Variants in RSPH9 observed in about 807,000 individuals in gnomAD.
RSPH9 encodes radial spoke head protein 9 homolog.
A neutral mutation model predicts 27.0 loss-of-function variants in RSPH9; 27 were observed. That is an observed-to-expected ratio of 1.00 (90% CI 0.74 to 1.38). The LOEUF (loss-of-function observed/expected upper bound fraction) is 1.38, where lower values mean the gene tolerates loss of function less well. RSPH9 is among the 40% of genes most tolerant of loss of function. RSPH9 has a pLI of 0.00. For synonymous variants in RSPH9, 145 were observed against 147.7 expected, an observed-to-expected ratio of 0.98 and a Z score of 0.13; for missense variants, 347 against 357.4, an observed-to-expected ratio of 0.97 and a Z score of 0.24.
intron 4 of RSPH9, among the ~76,000 whole-genome samples, chr6:43,667,503 G>A (rs956709524): frequency 4.6e-5 from 7 of 152,216 alleles, no homozygotes; most frequent in African/African-American, 1.7e-4. Flanking sequence ...CGAGTGAGGC[G>A]GGCATGGGCG....
intron 2 of RSPH9, among the ~76,000 whole-genome samples, chr6:43,654,344 G>A (rs574219909): frequency 6.6e-6 from 1 of 152,312 alleles, no homozygotes; most frequent in East Asian, 1.9e-4. Context: ...ATGTTAAACT[G>A]AAGAGAAGGA....
chr6:43,656,627 G>T lies in RSPH9; in HGVS notation c.574G>T (p.Glu192Ter), dbSNP rs1207317544. The T allele has an allele frequency of 6.2e-7, 1 of 1,614,140 alleles. No individual in the cohort carries two copies. Among genetic ancestry groups the T allele is most frequent in the East Asian group, 2.2e-5 (1 of 44,886 alleles). The change falls in exon 4 of 5, where the codon GAG becomes TAG. Residue 192 changes from glutamate to a stop codon, truncating the protein, a stop_gained. Coordinates refer to ENST00000372163, the MANE Select transcript of RSPH9 (RefSeq NM_152732.5). LOFTEE classifies it high-confidence loss of function. ...GCTCAGCTCCTACTTCCATTTCAGG[G>T]AGCCTGTTGAGCTAAAGAATAAGAC... The part of the protein sequence containing the change: ...KKLSSYFHFR[E>*]PVELKNKTLL...
At chr6:43,654,262 C>T (rs1430782172) in intron 2 of RSPH9, among the ~76,000 whole-genome samples, 1 of 152,046 alleles carries the variant, frequency 6.6e-6, no homozygotes, top group Non-Finnish European at 1.5e-5. Context: ...TTCAGAGTTG[C>T]CCTAGATAGT....
rs1653281423 is a variant in RSPH9 at position 43,645,192 on chromosome 6, C to T, written c.94C>T (p.Leu32Phe). Residue 32 changes from leucine to phenylalanine, a missense_variant, in exon 1 of 5, where the codon CTT (leucine) becomes TTT (phenylalanine). Physicochemically the swap from Leu to Phe is conservative, Grantham distance 22 (BLOSUM62 0). Coordinates refer to ENST00000372163, the MANE Select transcript of RSPH9 (RefSeq NM_152732.5). ...CCGTCGGGCCTCGCTGCTCACGTCT[C>T]TTATGCTGGTTAAGCGCGACTACCG... ...PDRRASLLTSLMLVKRDYRYD... is the reference protein window; with the variant it reads ...PDRRASLLTSFMLVKRDYRYD... The T allele has an allele frequency of 1.9e-6, 3 of 1,613,962 alleles. No homozygotes were observed. The highest frequency in any genetic ancestry group is 2.5e-6 in the Non-Finnish European group (3 of 1,180,016).
chr6:43,659,685 G>A (rs1161812653), intron 4 of RSPH9, among the ~76,000 whole-genome samples: 2 of 150,472 alleles, frequency 1.3e-5, no homozygotes, highest in Non-Finnish European at 3.0e-5. Context: ...CCCGGCCCAT[G>A]TTCGGCTAAT....
chr6:43,657,197 T>A (rs1396802679), intron 4 of RSPH9, among the ~76,000 whole-genome samples: 1 of 152,228 alleles, frequency 6.6e-6, no homozygotes, highest in East Asian at 1.9e-4. Context: ...CAATTCAGGT[T>A]CTAGGCTCTA....
intron 3 of RSPH9, among the ~76,000 whole-genome samples, chr6:43,655,988 A>ACTTACTTCCTTC (rs745382908): frequency 1.8e-4 from 20 of 113,616 alleles, no homozygotes; most frequent in Non-Finnish European, 2.5e-4. Context: ...TCCTCCTTGG[A>ACTTACTTCCTTC]CTTCCTTCCT....
Position 43,671,363 on chromosome 6 carries a change from C to A in RSPH9, c.*414C>A. Reference sequence around the variant, plus strand: ...TTCAATTGACTCATTGGCCCCATCACAAGAGATCAGTGACTCAATGCTCAG... The same window carrying A: ...TTCAATTGACTCATTGGCCCCATCAAAAGAGATCAGTGACTCAATGCTCAG... On this transcript the variant is annotated 3_prime_UTR_variant, in exon 5 of 5. Coordinates refer to ENST00000372163, the MANE Select transcript of RSPH9 (RefSeq NM_152732.5). The A allele has an allele frequency of 2.5e-6, 1 of 401,358 alleles. No individual in the cohort carries two copies. Among genetic ancestry groups the A allele is most frequent in the Non-Finnish European group, 4.6e-6 (1 of 217,384 alleles). The allele number at this position is 401,358 out of a possible 1,614,324, so 24.9% of individuals were successfully genotyped here. A position where few individuals can be genotyped will look rare whatever the true frequency, so the allele number is the denominator to read the frequency against.
chr6:43,651,875 G>A (rs967305676), intron 2 of RSPH9, among the ~76,000 whole-genome samples: 2 of 152,166 alleles, frequency 1.3e-5, no homozygotes, highest in African/African-American at 2.4e-5. Context: ...GCATGTGCAT[G>A]TGTGTGTACA....
chr6:43,645,471 C>A, intron 1 of RSPH9, 146 bp downstream of exon 1: 1 of 749,566 alleles, frequency 1.3e-6, no homozygotes, highest in Non-Finnish European at 2.2e-6. Flanking sequence ...ATGGGGGAGA[C>A]CCTGGGGGGC....
chr6:43,652,859 C>T (rs1343695399), intron 2 of RSPH9, among the ~76,000 whole-genome samples: 4 of 151,962 alleles, frequency 2.6e-5, no homozygotes, highest in African/African-American at 4.8e-5. Context: ...TGCTCTGTCA[C>T]CCAGGTTGGG....
At chr6:43,658,990 G>A (rs372520083) in intron 4 of RSPH9, among the ~76,000 whole-genome samples, 4 of 152,130 alleles carry the variant, frequency 2.6e-5, no homozygotes, top group Admixed American at 6.6e-5. Flanking sequence ...CCTGGCTTAC[G>A]TAATATTCTT....
rs563933887 is a variant in RSPH9 at position 43,654,079 on chromosome 6, T to C, written c.394-1483T>C. On this transcript the variant is annotated intron_variant, in intron 2 of 4. Transcript: ENST00000372163. The stretch of plus-strand genomic sequence containing the variant: ...CTTGTGTGGATTAAATGAGGTGACA[T>C]ATTTAAAGACACTGGCCTCAGCACT... Among the ~76,000 whole-genome samples, 6 of 152,350 alleles carry C rather than the reference T, an allele frequency of 3.9e-5. No homozygotes were observed. The South Asian group carries it at 1.2e-3, about 32-fold the overall frequency.
chr6:43,665,263 G>A (rs1199409746), intron 4 of RSPH9, among the ~76,000 whole-genome samples: 6 of 152,224 alleles, frequency 3.9e-5, no homozygotes, highest in Non-Finnish European at 8.8e-5. Context: ...CTGCTGTCTC[G>A]GGTAAGGTGG....
intron 2 of RSPH9, among the ~76,000 whole-genome samples, chr6:43,655,099 A>G (rs1771866330): frequency 6.6e-6 from 1 of 152,392 alleles, no homozygotes. Context: ...TTTAGGAGGT[A>G]GGATTATGAG....
Position 43,671,000 on chromosome 6 carries a change from TAAGCTTCAGTGAACTTGGC to T in RSPH9, c.*52_*70del. On this transcript the variant is annotated 3_prime_UTR_variant, in exon 5 of 5. Coordinates refer to ENST00000372163, the MANE Select transcript of RSPH9 (RefSeq NM_152732.5). ...AAACAGAGTCTAAACATGATTTTCT[TAAGCTTCAGTGAACTTGGC>T]CTGCCTGTTCTGTCCTATCTTCTTA... is the stretch of plus-strand genomic sequence containing the variant. The T allele has an allele frequency of 6.2e-7, 1 of 1,609,822 alleles. No homozygotes were observed. The highest frequency in any genetic ancestry group is 1.7e-4 in the Middle Eastern group (1 of 6,056).
At position 43,671,601 on chromosome 6, in the gene RSPH9, G is replaced by C. The variant is rs764735294; in HGVS notation, c.*652G>C. ...CAGCATTGCTACTGTGCAGGCCAAG[G>C]GTACTGAAGTTAGTCCCACTGTCCC... is the stretch of plus-strand genomic sequence containing the variant. On this transcript the variant is annotated 3_prime_UTR_variant, in exon 5 of 5. Transcript: ENST00000372163. The C allele has an allele frequency of 2.5e-5, 20 of 792,640 alleles. No individual in the cohort carries two copies. Among genetic ancestry groups the C allele is most frequent in the African/African-American group, 3.4e-5 (2 of 58,114 alleles). 49.1% of individuals were successfully genotyped at this position (792,640 alleles called of 1,614,324 possible). A position where few individuals can be genotyped will look rare whatever the true frequency, so the allele number is the denominator to read the frequency against.
At chr6:43,655,825 G>A in intron 3 of RSPH9, 134 bp downstream of exon 3, 1 of 1,095,080 alleles carries the variant, frequency 9.1e-7, no homozygotes, top group Non-Finnish European at 1.3e-6. Flanking sequence ...TATCACCTGG[G>A]AGGGTGTGCC....
At position 43,655,786 on chromosome 6, in the gene RSPH9, C is replaced by T. The variant is rs544873849; in HGVS notation, c.523+95C>T. On this transcript the variant is annotated intron_variant, in intron 3 of 4. Coordinates refer to ENST00000372163, the MANE Select transcript of RSPH9 (RefSeq NM_152732.5). ...GGAGTCCAGCAGGGGGGCTTACACA[C>T]TTTATCAGAGAAGGAGTAGCTGTGA... 3.1e-4 allele frequency: 441 copies of T among 1,425,504 alleles called. 10 individuals are homozygous for T. In the South Asian group the frequency reaches 4.8e-3, roughly 16 times the overall value. 88.3% of individuals were successfully genotyped at this position (1,425,504 alleles called of 1,614,324 possible). A position where few individuals can be genotyped will look rare whatever the true frequency, so the allele number is the denominator to read the frequency against.
Sources: allele counts gnomAD v4.1 joint callset (sites outside exome capture counted in the v4.1 genomes callset), GRCh38; gene constraint gnomAD v4.1.1; transcripts MANE v1.5; gene names NCBI Gene and HGNC (gene_info 2026-07-23, HGNC 2026-07-21).